RSPO2: variants seen among roughly 807,000 people sequenced by gnomAD.
RSPO2 encodes R-spondin 2, also known as R-spondin-2.
In RSPO2, 14 loss-of-function variants were observed where a neutral mutation model predicts 30.9. The observed-to-expected ratio is 0.45, with a 90% CI of 0.30 to 0.71. The LOEUF (loss-of-function observed/expected upper bound fraction) is 0.71. Ranked by LOEUF, RSPO2 falls within the 30% of genes least tolerant of loss-of-function variation. RSPO2 has a pLI of 0.08. For synonymous variants in RSPO2, 107 were observed against 96.4 expected, an observed-to-expected ratio of 1.11 and a Z score of -0.64; for missense variants, 264 against 301.9, an observed-to-expected ratio of 0.87 and a Z score of 0.93.
chr8:108,082,981 G>C, intron 1 of RSPO2, 174 bp from the exon 2 acceptor site: 1 of 278,524 alleles, frequency 3.6e-6, no homozygotes, highest in South Asian at 1.1e-4. Flanking sequence ...GGACGAGTTG[G>C]AGAGGAAGGT....
chr8:108,052,112 T>G (rs1280407139), intron 2 of RSPO2, among the ~76,000 whole-genome samples: 1 of 152,222 alleles, frequency 6.6e-6, no homozygotes, highest in East Asian at 1.9e-4. Flanking sequence ...TATATCAAGC[T>G]AGATCATACA....
intron 2 of RSPO2, among the ~76,000 whole-genome samples, chr8:108,081,530 G>T (rs1216295300): frequency 1.3e-5 from 2 of 152,180 alleles, no homozygotes; most frequent in African/African-American, 4.8e-5. Flanking sequence ...CTTCCTGCGC[G>T]GGTAATTCGA....
At chr8:107,968,872 T>C (rs181940917) in intron 3 of RSPO2, among the ~76,000 whole-genome samples, 2 of 152,230 alleles carry the variant, frequency 1.3e-5, no homozygotes, top group African/African-American at 4.8e-5. Context: ...TAAATAAATA[T>C]ATACATATGC....
chr8:107,974,847 T>TACACACAC (rs10530103), intron 3 of RSPO2, among the ~76,000 whole-genome samples: 18,585 of 150,860 alleles, frequency 0.12, 1,287 homozygotes, highest in Middle Eastern at 0.27. Flanking sequence ...CACATACACA[T>TACACACAC]ACACACACAC....
At chr8:107,928,352 A>C (rs992258904) in intron 5 of RSPO2, among the ~76,000 whole-genome samples, 3 of 152,218 alleles carry the variant, frequency 2.0e-5, no homozygotes, top group African/African-American at 7.2e-5. Flanking sequence ...TTTTATATAA[A>C]CACATACTGC....
At chr8:107,956,740 G>A (rs1813446752) in intron 5 of RSPO2, among the ~76,000 whole-genome samples, 1 of 152,180 alleles carries the variant, frequency 6.6e-6, no homozygotes, top group African/African-American at 2.4e-5. Flanking sequence ...GGCTAGTTAT[G>A]TAAACAATAT....
At chr8:108,000,266 G>A (rs1193943991) in intron 2 of RSPO2, among the ~76,000 whole-genome samples, 1 of 151,954 alleles carries the variant, frequency 6.6e-6, no homozygotes, top group Non-Finnish European at 1.5e-5. Flanking sequence ...GAGATTTAAA[G>A]GATACAGACC....
chr8:108,024,071 T>G (rs544481085), intron 2 of RSPO2, among the ~76,000 whole-genome samples: 1 of 152,050 alleles, frequency 6.6e-6, no homozygotes, highest in Admixed American at 6.5e-5. Context: ...TATTTAAAAG[T>G]AGGGGAATTT....
At chr8:108,077,509 C>T (rs1383099912) in intron 2 of RSPO2, among the ~76,000 whole-genome samples, 15 of 152,100 alleles carry the variant, frequency 9.9e-5, no homozygotes, top group Admixed American at 9.8e-4. Context: ...CCCACCCACT[C>T]CCATCTTTTC....
chr8:107,909,481 T>G (rs1478924738), intron 5 of RSPO2, among the ~76,000 whole-genome samples: 1 of 152,110 alleles, frequency 6.6e-6, no homozygotes, highest in Non-Finnish European at 1.5e-5. Context: ...CAGGCTGGTC[T>G]CAAACTCCTG....
chr8:108,043,217 C>A (rs928480942), intron 2 of RSPO2, among the ~76,000 whole-genome samples: 1 of 152,078 alleles, frequency 6.6e-6, no homozygotes, highest in Non-Finnish European at 1.5e-5. Context: ...TAAGTGTACT[C>A]AATTTGTAGC....
At chr8:108,003,851 G>A (rs764431471) in intron 2 of RSPO2, among the ~76,000 whole-genome samples, 10 of 152,126 alleles carry the variant, frequency 6.6e-5, no homozygotes, top group Non-Finnish European at 1.2e-4. Flanking sequence ...TTTGAATGCA[G>A]TTCTGACCTT....
chr8:108,053,762 G>C (rs1280111346), intron 2 of RSPO2, among the ~76,000 whole-genome samples: 1 of 152,156 alleles, frequency 6.6e-6, no homozygotes, highest in Non-Finnish European at 1.5e-5. Flanking sequence ...CTTTTGGTGT[G>C]AAATCACTGC....
intron 5 of RSPO2, among the ~76,000 whole-genome samples, chr8:107,957,131 C>T (rs1046680936): frequency 7.2e-5 from 11 of 152,106 alleles, no homozygotes; most frequent in Admixed American, 2.0e-4. Flanking sequence ...CAGCATAACA[C>T]GGATATAAAC....
At chr8:107,978,550 C>A (rs1206937071) in intron 3 of RSPO2, among the ~76,000 whole-genome samples, 27 of 152,214 alleles carry the variant, frequency 1.8e-4, no homozygotes, top group Admixed American at 1.2e-3. Context: ...TAAAGACTTA[C>A]ATGTTAGACC....
At chr8:107,918,116 T>A (rs1027885141) in intron 5 of RSPO2, among the ~76,000 whole-genome samples, 1 of 152,172 alleles carries the variant, frequency 6.6e-6, no homozygotes, top group Non-Finnish European at 1.5e-5. Context: ...AGACAAGTAA[T>A]CTTTTTTAAA....
chr8:108,050,130 A>G (rs1007914839), intron 2 of RSPO2, among the ~76,000 whole-genome samples: 1 of 152,246 alleles, frequency 6.6e-6, no homozygotes, highest in African/African-American at 2.4e-5. Context: ...TACTTTTTCT[A>G]CTATAATTAA....
intron 2 of RSPO2, among the ~76,000 whole-genome samples, chr8:108,043,531 G>C (rs1028089527): frequency 6.6e-6 from 1 of 151,830 alleles, no homozygotes; most frequent in African/African-American, 2.4e-5. Context: ...CTTTTGCTAA[G>C]TTGCTACAGA....
intron 5 of RSPO2, among the ~76,000 whole-genome samples, chr8:107,956,531 T>A (rs943048757): frequency 1.3e-5 from 2 of 152,220 alleles, no homozygotes; most frequent in African/African-American, 4.8e-5. Context: ...ATATTATGGT[T>A]AACAATCTAG....
Sources: gnomAD v4.1 joint callset for allele counts (sites outside exome capture counted in the v4.1 genomes callset) on GRCh38, gnomAD v4.1.1 for gene constraint, MANE v1.5 for transcripts, NCBI Gene and HGNC (gene_info 2026-07-23, HGNC 2026-07-21) for gene names.